Variants in GPHN observed in about 807,000 individuals in gnomAD.
GPHN encodes gephyrin.
GPHN carries 17 observed loss-of-function variants against 95.5 expected under a neutral mutation model. That is an observed-to-expected ratio of 0.18 (90% CI 0.12 to 0.27). GPHN has a LOEUF of 0.27. GPHN is among the 10% of genes least tolerant of loss of function. GPHN has a pLI of 1.00. For missense variants in GPHN, 660 were observed against 978.1 expected (o/e 0.67, Z 4.34); for synonymous variants, 320 against 322.5 (o/e 0.99, Z 0.08).
the GPHN span, among the ~76,000 whole-genome samples, chr14:67,374,143 C>G: frequency 6.6e-6 from 1 of 152,120 alleles, no homozygotes; most frequent in African/African-American, 2.4e-5. Context: ...GCTCCAAAAT[C>G]TGAAACTTTT....
chr14:66,656,123 A>G (rs2065293448), intron 1 of GPHN, among the ~76,000 whole-genome samples: 1 of 152,016 alleles, frequency 6.6e-6, no homozygotes, highest in African/African-American at 2.4e-5. Flanking sequence ...CATAATATCC[A>G]TTTGGATATT....
chr14:67,429,766 A>T, the GPHN span, among the ~76,000 whole-genome samples: 1 of 152,084 alleles, frequency 6.6e-6, no homozygotes. Flanking sequence ...AACAACAACA[A>T]AAATGATGAA....
intron 4 of GPHN, among the ~76,000 whole-genome samples, chr14:66,852,412 C>T (rs2062625320): frequency 6.6e-6 from 1 of 152,192 alleles, no homozygotes; most frequent in Non-Finnish European, 1.5e-5. Context: ...CGCGTGTTCA[C>T]CTGTGCACAC....
intron 9 of GPHN, among the ~76,000 whole-genome samples, chr14:66,996,459 A>G (rs2071804040): frequency 1.3e-5 from 2 of 152,182 alleles, no homozygotes; most frequent in Admixed American, 6.5e-5. Context: ...CATTGAAATA[A>G]CTAAAACCCA....
At chr14:66,904,984 A>G (rs2065305345) in intron 5 of GPHN, among the ~76,000 whole-genome samples, 1 of 152,078 alleles carries the variant, frequency 6.6e-6, no homozygotes, top group South Asian at 2.1e-4. Flanking sequence ...GGAAAGTTCT[A>G]TTATTATTTC....
chr14:66,983,408 A>T (rs1007405962), intron 9 of GPHN, among the ~76,000 whole-genome samples: 1 of 152,186 alleles, frequency 6.6e-6, no homozygotes, highest in Admixed American at 6.5e-5. Context: ...CTCAAATTCT[A>T]GTTTATATAG....
At chr14:67,034,729 A>G (rs1338050852) in intron 10 of GPHN, among the ~76,000 whole-genome samples, 1 of 152,144 alleles carries the variant, frequency 6.6e-6, no homozygotes, top group Non-Finnish European at 1.5e-5. Context: ...GAACAGAAAT[A>G]TATAACAATT....
At chr14:66,764,235 A>G (rs1374560481) in intron 2 of GPHN, among the ~76,000 whole-genome samples, 1 of 152,116 alleles carries the variant, frequency 6.6e-6, no homozygotes, top group Non-Finnish European at 1.5e-5. Flanking sequence ...GATTTAAAGT[A>G]TATGATGGGA....
chr14:67,379,066 C>A, the GPHN span, among the ~76,000 whole-genome samples: 18 of 152,188 alleles, frequency 1.2e-4, no homozygotes, highest in Non-Finnish European at 2.4e-4. Context: ...ATATTAATCT[C>A]TATATAGTAT....
chr14:67,679,284 C>T, the GPHN span, among the ~76,000 whole-genome samples: 1 of 152,204 alleles, frequency 6.6e-6, no homozygotes, highest in Non-Finnish European at 1.5e-5. Flanking sequence ...CTTAAAGGCC[C>T]TGCCTCTCTA....
chr14:66,937,383 A>C (rs1436697038), intron 8 of GPHN, among the ~76,000 whole-genome samples: 1 of 150,170 alleles, frequency 6.7e-6, no homozygotes. Flanking sequence ...TAACTGGAGC[A>C]ATTTTTTTTT....
intron 4 of GPHN, among the ~76,000 whole-genome samples, chr14:66,856,807 T>A (rs2153518912): frequency 6.6e-6 from 1 of 152,194 alleles, no homozygotes; most frequent in Non-Finnish European, 1.5e-5. Context: ...GAACGGTAAA[T>A]TTTAGACATC....
At chr14:66,613,677 A>G (rs1244140477) in intron 1 of GPHN, among the ~76,000 whole-genome samples, 2 of 151,974 alleles carry the variant, frequency 1.3e-5, no homozygotes, top group Admixed American at 6.6e-5. Context: ...TGAAGATTGT[A>G]TATGTTCTTA....
At chr14:67,248,355 T>TA in the GPHN span, among the ~76,000 whole-genome samples, 53 of 147,160 alleles carry the variant, frequency 3.6e-4, no homozygotes, top group East Asian at 3.6e-3. Context: ...TCTCTTTTCT[T>TA]AAAAAAAAAA....
At chr14:67,619,986 A>G in the GPHN span, 3 of 1,601,398 alleles carry the variant, frequency 1.9e-6, no homozygotes, top group East Asian at 6.9e-5. Flanking sequence ...TCATGTCCCT[A>G]AGGGGCAGCC....
At chr14:66,787,098 G>C (rs1357263296) in intron 3 of GPHN, among the ~76,000 whole-genome samples, 1 of 152,010 alleles carries the variant, frequency 6.6e-6, no homozygotes, top group Non-Finnish European at 1.5e-5. Context: ...CAGACCACTT[G>C]ATTATCTGCA....
At chr14:67,419,136 C>A in the GPHN span, among the ~76,000 whole-genome samples, 2 of 152,174 alleles carry the variant, frequency 1.3e-5, no homozygotes, top group African/African-American at 4.8e-5. Context: ...CCTTCCCTCG[C>A]CTCCTTCCAT....
chr14:67,403,182 G>C, the GPHN span, among the ~76,000 whole-genome samples: 1 of 152,194 alleles, frequency 6.6e-6, no homozygotes, highest in Non-Finnish European at 1.5e-5. Flanking sequence ...ATGGTGTTGA[G>C]CACTTTTTCG....
the GPHN span, among the ~76,000 whole-genome samples, chr14:67,658,131 A>G: frequency 6.6e-6 from 1 of 152,320 alleles, no homozygotes; most frequent in South Asian, 2.1e-4. Flanking sequence ...AAAACCAGTT[A>G]GGTTAGCGCA....
Sources: allele counts gnomAD v4.1 joint callset (sites outside exome capture counted in the v4.1 genomes callset), GRCh38; gene constraint gnomAD v4.1.1; transcripts MANE v1.5; gene names NCBI Gene and HGNC (gene_info 2026-07-23, HGNC 2026-07-21).